The following CAPRIN1 variants were observed in gnomAD, a reference collection of about 807,000 sequenced individuals.
CAPRIN1 encodes the protein caprin-1.
CAPRIN1 carries 29 observed loss-of-function variants against 100.9 expected under a neutral mutation model. The observed-to-expected ratio is 0.29, with a 90% CI of 0.21 to 0.39. The LOEUF (loss-of-function observed/expected upper bound fraction) is 0.39, where lower values mean the gene tolerates loss of function less well. Ranked by LOEUF, CAPRIN1 falls within the 10% of genes least tolerant of loss-of-function variation. CAPRIN1 has a pLI of 1.00. For synonymous variants in CAPRIN1, 338 were observed against 307.5 expected (o/e 1.10, Z -1.04); for missense variants, 795 against 876.7 (o/e 0.91, Z 1.18).
At chr11:34,060,271 T>A (rs960553664) in intron 2 of CAPRIN1, among the ~76,000 whole-genome samples, 1 of 151,778 alleles carries the variant, frequency 6.6e-6, no homozygotes, top group Non-Finnish European at 1.5e-5. Flanking sequence ...CACAGATAAT[T>A]CTTATTATTA....
At chr11:34,058,806 ACT>A (rs1329177948) in intron 2 of CAPRIN1, among the ~76,000 whole-genome samples, 1 of 152,188 alleles carries the variant, frequency 6.6e-6, no homozygotes, top group Non-Finnish European at 1.5e-5. Context: ...CATTTGTCAG[ACT>A]CTACTCCAGC....
At chr11:34,077,532 C>T (rs1476716002) in intron 6 of CAPRIN1, among the ~76,000 whole-genome samples, 2 of 152,100 alleles carry the variant, frequency 1.3e-5, no homozygotes, top group Non-Finnish European at 1.5e-5. Flanking sequence ...GGGACATTTA[C>T]GTTTCACTCC....
At chr11:34,075,640 G>C (rs191458269) in intron 4 of CAPRIN1, among the ~76,000 whole-genome samples, 1 of 152,158 alleles carries the variant, frequency 6.6e-6, no homozygotes, top group Non-Finnish European at 1.5e-5. Context: ...GCATTTCCTT[G>C]TGAGTCATTA....
At position 34,062,464 on chromosome 11, in the gene CAPRIN1, A is replaced by AAATAAAAAAAATTAGCCGGGCG. The variant is rs1850600971; in HGVS notation, c.217-9261_217-9240dup. Among the ~76,000 whole-genome samples, 4 of 152,168 alleles carry AAATAAAAAAAATTAGCCGGGCG rather than the reference A, an allele frequency of 2.6e-5. No homozygotes were observed. The South Asian group carries it at 8.3e-4, about 32-fold the overall frequency. ...CACAGTGAAACCCCGTCTCTACTAA[A>AAATAAAAAAAATTAGCCGGGCG]AATAAAAAAAATTAGCCGGGCGTGG... is the stretch of plus-strand genomic sequence containing the variant. On this transcript the variant is annotated intron_variant, in intron 2 of 18. Coordinates refer to ENST00000341394, the MANE Select transcript of CAPRIN1 (RefSeq NM_005898.5).
chr11:34,052,258 C>T (rs1850329695), intron 1 of CAPRIN1, 163 bp from the exon 2 acceptor site: 7 of 516,286 alleles, frequency 1.4e-5, no homozygotes, highest in Non-Finnish European at 2.3e-5. Context: ...CGCGCGCCCG[C>T]GCACTCTTCC....
chr11:34,068,726 C>T (rs1850749183), intron 2 of CAPRIN1, among the ~76,000 whole-genome samples: 1 of 152,136 alleles, frequency 6.6e-6, no homozygotes, highest in Non-Finnish European at 1.5e-5. Flanking sequence ...GTGTATAAAA[C>T]AAAGCAAAAG....
At chr11:34,083,104 C>A (rs1851065717) in intron 9 of CAPRIN1, 63 bp downstream of exon 9, 3 of 1,082,472 alleles carry the variant, frequency 2.8e-6, no homozygotes, top group Non-Finnish European at 2.9e-6. Flanking sequence ...TTTATCTCTA[C>A]TGAGAACAAA....
Position 34,065,117 on chromosome 11 carries a change from G to A in CAPRIN1, c.217-6609G>A, listed in dbSNP as rs148413002. 9.1e-3 allele frequency among the ~76,000 whole-genome samples: 1,379 copies of A among 151,550 alleles called. 11 individuals are homozygous for A. Among genetic ancestry groups the A allele is most frequent in the Middle Eastern group, 0.02 (6 of 294 alleles). ...TGGGACTACAGGTCCCCGCCACCAC[G>A]CCCGACTAATTTTTTTTTGTATTTT... is the stretch of plus-strand genomic sequence containing the variant. On this transcript the variant is annotated intron_variant, in intron 2 of 18. Coordinates refer to ENST00000341394, the MANE Select transcript of CAPRIN1 (RefSeq NM_005898.5).
At position 34,052,722 on chromosome 11, in the gene CAPRIN1, T is replaced by A. The variant is rs1850352105; in HGVS notation, c.216+86T>A. On this transcript the variant is annotated intron_variant, in intron 2 of 18. Transcript: ENST00000341394. The stretch of plus-strand genomic sequence containing the variant: ...CCCTGGTCGCTGGAGCCTTCGCTTC[T>A]TTTCGTCTCGGGAGCGTTACTAGGT... 5 of 1,464,410 alleles carry A rather than the reference T, an allele frequency of 3.4e-6. No homozygotes were observed. In the South Asian group the frequency reaches 6.2e-5, roughly 18 times the overall value. The allele number at this position is 1,464,410 out of a possible 1,614,324, so 90.7% of individuals were successfully genotyped here.
intron 6 of CAPRIN1, 119 bp from the exon 7 acceptor site, chr11:34,079,509 G>A: frequency 1.7e-6 from 1 of 587,464 alleles, no homozygotes; most frequent in Non-Finnish European, 2.9e-6. Context: ...CTTTTTATGT[G>A]TATATGTGTT....
At chr11:34,064,131 T>C (rs111883865) in intron 2 of CAPRIN1, among the ~76,000 whole-genome samples, 12,534 of 152,222 alleles carry the variant, frequency 0.082, 526 homozygotes, top group Non-Finnish European at 0.092. Flanking sequence ...TAATATCTTA[T>C]TTTATTTGTT....
At chr11:34,079,591 A>G in intron 6 of CAPRIN1, 37 bp from the exon 7 acceptor site, 1 of 1,577,950 alleles carries the variant, frequency 6.3e-7, no homozygotes, top group Non-Finnish European at 8.7e-7. Flanking sequence ...GCATCCTCAG[A>G]TAAGTCTTAC....
intron 12 of CAPRIN1, 34 bp from the exon 13 acceptor site, chr11:34,090,145 A>T: frequency 1.4e-6 from 2 of 1,383,168 alleles, no homozygotes; most frequent in Non-Finnish European, 2.0e-6. Context: ...TTTTGTAAGC[A>T]GGAAGAAGCT....
At chr11:34,056,303 A>G (rs1850450035) in intron 2 of CAPRIN1, among the ~76,000 whole-genome samples, 1 of 152,210 alleles carries the variant, frequency 6.6e-6, no homozygotes, top group Non-Finnish European at 1.5e-5. Flanking sequence ...TGCTTAAATT[A>G]AAACAGAGAA....
intron 2 of CAPRIN1, among the ~76,000 whole-genome samples, chr11:34,068,131 A>G (rs1336105251): frequency 1.3e-5 from 2 of 152,204 alleles, no homozygotes; most frequent in African/African-American, 2.4e-5. Flanking sequence ...TGCTTGGACT[A>G]AAATGAGTGG....
At chr11:34,052,828 A>C (rs1850355956) in intron 2 of CAPRIN1, 192 bp downstream of exon 2, 18 of 1,447,596 alleles carry the variant, frequency 1.2e-5, no homozygotes, top group Non-Finnish European at 1.6e-5. Context: ...GGCTCTTGGA[A>C]GAGGCACTTG....
At chr11:34,080,917 C>G (rs1037798611) in intron 7 of CAPRIN1, among the ~76,000 whole-genome samples, 1 of 152,168 alleles carries the variant, frequency 6.6e-6, no homozygotes, top group South Asian at 2.1e-4. Flanking sequence ...ATAAGGCAAT[C>G]TTTTTCCCCC....
rs1851452933 is a variant in CAPRIN1, at chr11:34,101,453, C to G, written c.*2086C>G. On this transcript the variant is annotated 3_prime_UTR_variant, in exon 19 of 19. Coordinates refer to ENST00000341394, the MANE Select transcript of CAPRIN1 (RefSeq NM_005898.5). The stretch of plus-strand genomic sequence containing the variant: ...AAGTAAGTTCTTCACACAGTGACCT[C>G]TGAATCAGTTTCAGAGAAGGGATGG... Among the ~76,000 whole-genome samples the G allele has an allele frequency of 6.6e-6, 1 of 152,188 alleles. No individual in the cohort carries two copies. Among genetic ancestry groups the G allele is most frequent in the African/African-American group, 2.4e-5 (1 of 41,450 alleles).
intron 9 of CAPRIN1, 79 bp downstream of exon 9, chr11:34,083,120 ATTG>A: frequency 2.1e-6 from 2 of 972,642 alleles, no homozygotes; most frequent in Non-Finnish European, 3.3e-6. Context: ...ACAAATTAAG[ATTG>A]TTTTTTGCAT....
Sources: gnomAD v4.1 joint callset for allele counts (sites outside exome capture counted in the v4.1 genomes callset) on GRCh38, gnomAD v4.1.1 for gene constraint, MANE v1.5 for transcripts, NCBI Gene and HGNC (gene_info 2026-07-23, HGNC 2026-07-21) for gene names.